The following RYR2 variants were observed in gnomAD, a reference collection of about 807,000 sequenced individuals.
RYR2 encodes the protein cardiac muscle ryanodine receptor-calcium release channel.
RYR2 carries 227 observed loss-of-function variants against 601.1 expected under a neutral mutation model. That is an observed-to-expected ratio of 0.38 (90% CI 0.34 to 0.42). RYR2 has a LOEUF of 0.42. Ranked by LOEUF, RYR2 falls within the 10% of genes least tolerant of loss-of-function variation. The pLI is 1.00. For synonymous variants in RYR2, 2,223 were observed against 2,175.1 expected, an observed-to-expected ratio of 1.02 and a Z score of -0.61; for missense variants, 4,646 against 6,156.5, an observed-to-expected ratio of 0.75 and a Z score of 8.21.
At chr1:237,697,393 TTA>T (rs1004605428) in intron 63 of RYR2, among the ~76,000 whole-genome samples, 3 of 142,468 alleles carry the variant, frequency 2.1e-5, no homozygotes, top group East Asian at 2.0e-4. Flanking sequence ...ATATTATATA[TTA>T]TGTTATATAT....
intron 2 of RYR2, among the ~76,000 whole-genome samples, chr1:237,308,113 G>A (rs956300117): frequency 1.3e-5 from 2 of 152,172 alleles, no homozygotes; most frequent in African/African-American, 4.8e-5. Flanking sequence ...ATGGTTAAGG[G>A]AAAAAATTAA....
At chr1:237,625,050 A>G (rs1679498450) in intron 39 of RYR2, among the ~76,000 whole-genome samples, 1 of 150,124 alleles carries the variant, frequency 6.7e-6, no homozygotes, top group Non-Finnish European at 1.5e-5. Context: ...GTGTATATAT[A>G]TATTTTTTTT....
At chr1:237,450,248 C>T (rs1348766613) in intron 14 of RYR2, among the ~76,000 whole-genome samples, 1 of 152,096 alleles carries the variant, frequency 6.6e-6, no homozygotes, top group East Asian at 1.9e-4. Context: ...TGTAGGTCTC[C>T]AGGGTTCCCT....
intron 10 of RYR2, among the ~76,000 whole-genome samples, chr1:237,405,004 C>T (rs1703723180): frequency 6.6e-6 from 1 of 152,178 alleles, no homozygotes. Flanking sequence ...CAGCCCCAAC[C>T]AACACTTTGA....
chr1:237,688,308 A>T (rs1427834988), intron 63 of RYR2, among the ~76,000 whole-genome samples: 1 of 152,144 alleles, frequency 6.6e-6, no homozygotes, highest in African/African-American at 2.4e-5. Flanking sequence ...GTATTGCTAG[A>T]GGTATTATAA....
Position 237,383,091 on chromosome 1 carries a change from A to G in RYR2, c.577-4190A>G, listed in dbSNP as rs114429267. Reference sequence around the variant, plus strand: ...AATAATTGCATCAGATAAGGGTTCAATTGAGAGATTCTTGGTACGAAGTTT... The same window carrying G: ...AATAATTGCATCAGATAAGGGTTCAGTTGAGAGATTCTTGGTACGAAGTTT... On this transcript the variant is annotated intron_variant, in intron 8 of 104. Coordinates refer to ENST00000366574, the MANE Select transcript of RYR2 (RefSeq NM_001035.3). 3.5e-3 allele frequency among the ~76,000 whole-genome samples: 535 copies of G among 152,294 alleles called. 1 individual carries two copies. Among genetic ancestry groups the G allele is most frequent in the Admixed American group, 6.1e-3 (94 of 15,298 alleles).
At chr1:237,127,878 G>A (rs6695722) in intron 1 of RYR2, among the ~76,000 whole-genome samples, 3,588 of 150,696 alleles carry the variant, frequency 0.024, 113 homozygotes, top group East Asian at 0.13. Context: ...GCGGCCGGGC[G>A]GAGACGCTCC....
chr1:237,420,017 C>T (rs946622485), intron 11 of RYR2, among the ~76,000 whole-genome samples: 2 of 152,076 alleles, frequency 1.3e-5, no homozygotes, highest in Non-Finnish European at 2.9e-5. Flanking sequence ...GATACTCGGT[C>T]TTCTCTTTTC....
At chr1:237,447,020 T>G (rs1038862109) in intron 14 of RYR2, among the ~76,000 whole-genome samples, 31 of 152,320 alleles carry the variant, frequency 2.0e-4, no homozygotes, top group African/African-American at 7.0e-4. Flanking sequence ...AGCTGATCAA[T>G]CCTATGATAG....
chr1:237,529,232 C>G (rs1328973690), intron 24 of RYR2, among the ~76,000 whole-genome samples: 1 of 151,994 alleles, frequency 6.6e-6, no homozygotes, highest in African/African-American at 2.4e-5. Context: ...CTGATCAATC[C>G]CTTTCAACGT....
In RYR2 at chr1:237,206,551, C is replaced by T. The variant is rs541264403; in HGVS notation, c.49-63946C>T. ...ATTTGTGTCAAATTACATCCCTATACATATAATACTAAAAGACTTATTTAT... is the reference window on the plus strand; with the variant it reads ...ATTTGTGTCAAATTACATCCCTATATATATAATACTAAAAGACTTATTTAT... On this transcript the variant is annotated intron_variant, in intron 1 of 104. Coordinates refer to ENST00000366574, the MANE Select transcript of RYR2 (RefSeq NM_001035.3). Among the ~76,000 whole-genome samples the T allele has an allele frequency of 7.9e-5, 12 of 152,280 alleles. No homozygotes were observed. The South Asian group carries it at 2.5e-3, about 32-fold the overall frequency.
intron 27 of RYR2, among the ~76,000 whole-genome samples, chr1:237,551,850 T>C (rs948458765): frequency 1.3e-5 from 2 of 152,190 alleles, no homozygotes; most frequent in African/African-American, 4.8e-5. Flanking sequence ...GTAACTCTTA[T>C]GAGGATGATG....
At chr1:237,129,877 T>C (rs1671965816) in intron 1 of RYR2, among the ~76,000 whole-genome samples, 1 of 152,132 alleles carries the variant, frequency 6.6e-6, no homozygotes, top group South Asian at 2.1e-4. Flanking sequence ...ATATGTGGAA[T>C]CTAAAAAAGT....
intron 29 of RYR2, among the ~76,000 whole-genome samples, 186 bp downstream of exon 29, chr1:237,569,505 T>C (rs968229760): frequency 2.0e-5 from 3 of 152,168 alleles, no homozygotes; most frequent in Non-Finnish European, 4.4e-5. Context: ...AGAAATGCTA[T>C]CTATACGACT....
chr1:237,770,729 T>C (rs1345104955), intron 84 of RYR2, 78 bp from the exon 85 acceptor site: 1 of 860,256 alleles, frequency 1.2e-6, no homozygotes, highest in African/African-American at 1.7e-5. Context: ...AACATGCAAG[T>C]TGTATGGAGG....
chr1:237,803,008 T>G (rs1239988267), intron 98 of RYR2, among the ~76,000 whole-genome samples: 1 of 152,208 alleles, frequency 6.6e-6, no homozygotes, highest in Non-Finnish European at 1.5e-5. Context: ...TCAACATGCA[T>G]TCATTCTTCA....
At chr1:237,328,950 G>T (rs1558631748) in intron 2 of RYR2, among the ~76,000 whole-genome samples, 1 of 152,068 alleles carries the variant, frequency 6.6e-6, no homozygotes, top group East Asian at 1.9e-4. Flanking sequence ...ATGTTCTTCT[G>T]ATATGAAGAT....
At chr1:237,776,308 T>C (rs1360264764) in intron 87 of RYR2, among the ~76,000 whole-genome samples, 4 of 152,162 alleles carry the variant, frequency 2.6e-5, no homozygotes, top group Admixed American at 6.6e-5. Flanking sequence ...AAAGCTACTA[T>C]ATCTGGTACA....
At chr1:237,269,994 A>ATCTTTT (rs1689521399) in intron 1 of RYR2, among the ~76,000 whole-genome samples, 1 of 152,186 alleles carries the variant, frequency 6.6e-6, no homozygotes, top group Non-Finnish European at 1.5e-5. Flanking sequence ...TGCTTGGTTG[A>ATCTTTT]ACTAAGATGA....
Sources: gnomAD v4.1 joint callset for allele counts (sites outside exome capture counted in the v4.1 genomes callset) on GRCh38, gnomAD v4.1.1 for gene constraint, MANE v1.5 for transcripts, NCBI Gene and HGNC (gene_info 2026-07-23, HGNC 2026-07-21) for gene names.